Variants in PNPT1 observed in about 807,000 individuals in gnomAD.
The protein encoded by PNPT1 is polyribonucleotide nucleotidyltransferase 1, mitochondrial.
In PNPT1, 53 loss-of-function variants were observed where a neutral mutation model predicts 119.5. The observed-to-expected ratio is 0.44, with a 90% CI of 0.36 to 0.56. PNPT1 has a LOEUF of 0.56. Among genes scored for constraint, PNPT1 ranks in the 20% least tolerant of loss-of-function variants. The probability of loss-of-function intolerance (pLI) is 0.00; values close to 1 mark genes in which losing one functional copy is unlikely to be tolerated. For missense variants in PNPT1, 948 were observed against 938.5 expected (o/e 1.01, Z -0.13); for synonymous variants, 357 against 322.1 (o/e 1.11, Z -1.16).
At position 55,666,987 on chromosome 2, in the gene PNPT1, T is replaced by C. The variant is rs775617819; in HGVS notation, c.1176+4A>G. ...AAATAATTAGAGCTTTTTATATAAA[T>C]TACCTGTGTTTGTCCTCTTTGAAAT... On this transcript the variant is annotated splice_donor_region_variant and intron_variant, in intron 13 of 27. Coordinates refer to ENST00000447944, the MANE Select transcript of PNPT1 (RefSeq NM_033109.5). 10 of 1,542,338 alleles carry C rather than the reference T, an allele frequency of 6.5e-6. No individual in the cohort carries two copies. In the South Asian group the frequency reaches 1.2e-4, roughly 19 times the overall value.
In PNPT1 at chr2:55,672,944, G is replaced by T; in HGVS notation, c.815C>A (p.Thr272Lys). 1 of 1,613,194 alleles carries T rather than the reference G, an allele frequency of 6.2e-7. No homozygotes were observed. The highest frequency in any genetic ancestry group is 8.5e-7 in the Non-Finnish European group (1 of 1,179,778). The change falls in exon 9 of 28, where the codon ACA becomes AAA. Residue 272 changes from threonine (T) to lysine (K), a missense_variant. Physicochemically the swap from Thr to Lys is moderately conservative, Grantham distance 78. Coordinates refer to ENST00000447944, the MANE Select transcript of PNPT1 (RefSeq NM_033109.5). Reference protein sequence around the residue: ...LVKETGVTKRTPQKLFTPSPE... With the variant: ...LVKETGVTKRKPQKLFTPSPE... ...CGAAGGGGTAAATAACTTCTGAGGT[G>T]TCCTCTTGGTAACACCAGTTTCTTT...
chr2:55,637,433 T>C, intron 27 of PNPT1, 119 bp downstream of exon 27: 1 of 834,796 alleles, frequency 1.2e-6, no homozygotes, highest in Non-Finnish European at 2.0e-6. Flanking sequence ...AAAAATGAAG[T>C]ACTGCATACA....
chr2:55,640,825 C>A, intron 25 of PNPT1, 120 bp from the exon 26 acceptor site: 2 of 642,620 alleles, frequency 3.1e-6, no homozygotes, highest in Non-Finnish European at 5.2e-6. Flanking sequence ...AATTCTAGCA[C>A]GTTTTTAGAA....
At chr2:55,641,743 G>C (rs1449313591) in intron 25 of PNPT1, among the ~76,000 whole-genome samples, 4 of 151,142 alleles carry the variant, frequency 2.6e-5, no homozygotes, top group Non-Finnish European at 5.9e-5. Context: ...GAACATTTTT[G>C]CTACATTTGA....
chr2:55,645,009 C>T lies in PNPT1; in HGVS notation c.1823-289G>A, dbSNP rs528974077. The T allele has an allele frequency of 2.1e-4, 63 of 306,304 alleles. 2 individuals carry two copies. The South Asian group carries it at 4.8e-3, about 23-fold the overall frequency. The allele number at this position is 306,304 out of a possible 1,614,324, so 19.0% of individuals were successfully genotyped here. A position where few individuals can be genotyped will look rare whatever the true frequency, so the allele number is the denominator to read the frequency against. On this transcript the variant is annotated intron_variant, in intron 22 of 27. Transcript: ENST00000447944. ...ATTCATATATTAATGTTTATCTTAC[C>T]ATGATCACTAAAATTTTTTTTTTTT...
chr2:55,663,981 T>G (rs1436973610), intron 13 of PNPT1, among the ~76,000 whole-genome samples: 1 of 152,008 alleles, frequency 6.6e-6, no homozygotes, highest in Non-Finnish European at 1.5e-5. Context: ...AGAAGGAGAC[T>G]CCATCCCAAA....
chr2:55,640,249 G>A (rs552575494), intron 26 of PNPT1, among the ~76,000 whole-genome samples: 156 of 152,238 alleles, frequency 1.0e-3, no homozygotes, highest in Non-Finnish European at 1.6e-3. Context: ...CGCCTCCCGG[G>A]TTCAAGCGAT....
intron 18 of PNPT1, among the ~76,000 whole-genome samples, chr2:55,653,942 A>G (rs1696295903): frequency 6.6e-6 from 1 of 152,088 alleles, no homozygotes; most frequent in East Asian, 1.9e-4. Flanking sequence ...CATTCATGAC[A>G]GTTTGGCACG....
intron 8 of PNPT1, among the ~76,000 whole-genome samples, chr2:55,673,843 T>G (rs1009317555): frequency 2.0e-5 from 3 of 152,190 alleles, no homozygotes; most frequent in Non-Finnish European, 4.4e-5. Context: ...TGCCTTGGCC[T>G]TCCAAAGTGC....
At chr2:55,655,445 T>C (rs1696355785) in intron 17 of PNPT1, among the ~76,000 whole-genome samples, 1 of 152,220 alleles carries the variant, frequency 6.6e-6, no homozygotes, top group Non-Finnish European at 1.5e-5. Context: ...TATTGCATAG[T>C]ATTGCTACAG....
chr2:55,677,927 G>A (rs548118414), intron 8 of PNPT1, among the ~76,000 whole-genome samples: 126 of 152,158 alleles, frequency 8.3e-4, no homozygotes, highest in Non-Finnish European at 1.5e-3. Flanking sequence ...ATTTTTAGTA[G>A]AGACAGGGTT....
chr2:55,672,900 T>G lies in PNPT1; in HGVS notation c.859A>C (p.Thr287Pro). ...FTPSPEIVKY[T>P]HKLAMERLYA... ...TTGCACAGATGTTCTTACTTATGAG[T>G]ATATTTCACAATCTCTGGCGAAGGG... Residue 287 changes from threonine to proline, a missense_variant, in exon 9 of 28, where the codon ACT becomes CCT. By Grantham distance (38) the Thr-to-Pro change is conservative. Coordinates refer to ENST00000447944, the MANE Select transcript of PNPT1 (RefSeq NM_033109.5). The G allele has an allele frequency of 4.4e-6, 7 of 1,598,062 alleles. No homozygotes were observed. Among genetic ancestry groups the G allele is most frequent in the Non-Finnish European group, 6.0e-6 (7 of 1,175,212 alleles).
Position 55,656,319 on chromosome 2 carries a change from C to T in PNPT1, c.1337G>A (p.Arg446Lys). The change falls in exon 16 of 28, where the codon AGA becomes AAA. Residue 446 changes from arginine to lysine, a missense_variant. Arg to Lys is a conservative substitution (Grantham distance 26, BLOSUM62 2). Coordinates refer to ENST00000447944, the MANE Select transcript of PNPT1 (RefSeq NM_033109.5). Reference sequence around the variant, plus strand: ...CCTGTACTTACCATGCCCAAGTTCTCTTCTATTTAAACCAGTGACTTTGCC... The same window carrying T: ...CCTGTACTTACCATGCCCAAGTTCTTTTCTATTTAAACCAGTGACTTTGCC... Reference protein sequence around the residue: ...EIGKVTGLNRRELGHGALAEK... With the variant: ...EIGKVTGLNRKELGHGALAEK... The T allele has an allele frequency of 6.2e-7, 1 of 1,610,864 alleles. No individual in the cohort carries two copies. The highest frequency in any genetic ancestry group is 1.3e-5 in the African/African-American group (1 of 74,746).
In PNPT1 at chr2:55,636,260, G is replaced by C; in HGVS notation, c.2329C>G (p.Gln777Glu). 1.9e-6 allele frequency: 3 copies of C among 1,611,094 alleles called. No homozygotes were observed. Among genetic ancestry groups the C allele is most frequent in the Non-Finnish European group, 2.5e-6 (3 of 1,178,360 alleles). Residue 777 changes from glutamine (Q) to glutamate (E), a missense_variant, in exon 28 of 28, where the codon CAG becomes GAG. Coordinates refer to ENST00000447944, the MANE Select transcript of PNPT1 (RefSeq NM_033109.5). ...SSIVMGEPIS[Q>E]SSSNSQ ...AATCACTGAGAATTAGATGATGACTGTGAAATAGGTTCTCCCATTACAATA... is the reference window on the plus strand; with the variant it reads ...AATCACTGAGAATTAGATGATGACTCTGAAATAGGTTCTCCCATTACAATA...
At chr2:55,692,658 C>A (rs1309475693) in intron 1 of PNPT1, among the ~76,000 whole-genome samples, 1 of 152,080 alleles carries the variant, frequency 6.6e-6, no homozygotes, top group East Asian at 1.9e-4. Flanking sequence ...CCTCTGTAGT[C>A]TTAACTATAA....
intron 18 of PNPT1, 132 bp downstream of exon 18, chr2:55,654,768 G>A: frequency 1.4e-6 from 1 of 716,678 alleles, no homozygotes; most frequent in Non-Finnish European, 2.4e-6. Flanking sequence ...TAGAGATGAG[G>A]TCTTGCTATG....
chr2:55,640,752 T>C, intron 25 of PNPT1, 47 bp from the exon 26 acceptor site: 3 of 1,212,744 alleles, frequency 2.5e-6, no homozygotes, highest in Non-Finnish European at 3.6e-6. Context: ...TAAGTATCTG[T>C]ATATCCATTG....
rs146068304 is a variant in PNPT1, at chr2:55,693,657, C to G, written c.161+6G>C. 224 of 1,614,158 alleles carry G rather than the reference C, an allele frequency of 1.4e-4. 2 individuals carry two copies. In the African/African-American group the frequency reaches 2.3e-3, roughly 16 times the overall value. ...GACAATACAGTGAACGCACGTCACT[C>G]CTTACCTGTTGCCTAAGTCCACGGC... On this transcript the variant is annotated splice_donor_region_variant and intron_variant, in intron 1 of 27. Coordinates refer to ENST00000447944, the MANE Select transcript of PNPT1 (RefSeq NM_033109.5).
At position 55,637,566 on chromosome 2, in the gene PNPT1, C is replaced by G; in HGVS notation, c.2182G>C (p.Gly728Arg). Residue 728 changes from glycine (G) to arginine (R), a missense_variant, in exon 27 of 28, where the codon GGC becomes CGC. Transcript: ENST00000447944. The stretch of plus-strand genomic sequence containing the variant: ...AATACAAATACCTGAATTTCTTGGC[C>G]AACTTCTAATCCTAGGGCAGTAGGA... The part of the protein sequence containing the change: ...KHPTALGLEV[G>R]QEIQVKYFGR... 1 of 1,604,772 alleles carries G rather than the reference C, an allele frequency of 6.2e-7. No individual in the cohort carries two copies. The highest frequency in any genetic ancestry group is 8.5e-7 in the Non-Finnish European group (1 of 1,171,708).
Sources: allele counts gnomAD v4.1 joint callset (sites outside exome capture counted in the v4.1 genomes callset), GRCh38; gene constraint gnomAD v4.1.1; transcripts MANE v1.5; gene names NCBI Gene and HGNC (gene_info 2026-07-23, HGNC 2026-07-21).